RNF157: variants seen among roughly 807,000 people sequenced by gnomAD.
The protein encoded by RNF157 is ring finger protein 157.
A neutral mutation model predicts 88.3 loss-of-function variants in RNF157; 55 were observed. That is an observed-to-expected ratio of 0.62 (90% CI 0.50 to 0.78). The LOEUF (loss-of-function observed/expected upper bound fraction) is 0.78, where lower values mean the gene tolerates loss of function less well. RNF157 is among the 30% of genes least tolerant of loss of function. The probability of loss-of-function intolerance (pLI) is 0.00; values close to 1 mark genes in which losing one functional copy is unlikely to be tolerated. For synonymous variants in RNF157, 334 were observed against 341.2 expected (o/e 0.98, Z 0.23); for missense variants, 788 against 860.8 (o/e 0.92, Z 1.06).
intron 18 of RNF157, among the ~76,000 whole-genome samples, chr17:76,147,946 C>T (rs2068610225): frequency 6.6e-6 from 1 of 152,182 alleles, no homozygotes; most frequent in Non-Finnish European, 1.5e-5. Context: ...GGAGTACATT[C>T]AGGAAAATTT....
chr17:76,155,610 A>G lies in RNF157; in HGVS notation c.1650T>C (p.Ala550=). The part of the protein sequence containing the change: ...IAPGTEEEGE[A]LSSPQPASRA... ...TGCTGGCAGGCTGGGGGGAAGAGAG[A>G]GCCTCTCCCTCCTCTTCAGTGCCAG... The change falls in exon 15 of 19, where the codon GCT becomes GCC. Residue 550 remains alanine, a synonymous_variant. Transcript: ENST00000269391. The G allele has an allele frequency of 6.2e-7, 1 of 1,613,382 alleles. No homozygotes were observed. The highest frequency in any genetic ancestry group is 8.5e-7 in the Non-Finnish European group (1 of 1,179,788).
At chr17:76,200,016 T>A (rs2144975913) in intron 2 of RNF157, among the ~76,000 whole-genome samples, 1 of 151,976 alleles carries the variant, frequency 6.6e-6, no homozygotes, top group East Asian at 1.9e-4. Context: ...GGCGGGCGGA[T>A]CACGAGGTCA....
chr17:76,210,601 A>AAAAG (rs1555660855), intron 2 of RNF157, among the ~76,000 whole-genome samples: 27 of 148,516 alleles, frequency 1.8e-4, no homozygotes, highest in East Asian at 6.0e-4. Flanking sequence ...AAAAAAAAAA[A>AAAAG]AAAGAAAGAA....
Position 76,161,123 on chromosome 17 carries a change from CT to C in RNF157, c.1065+411del, listed in dbSNP as rs1302665455. On this transcript the variant is annotated intron_variant, in intron 11 of 18. Transcript: ENST00000269391. This position sits in a 1 kb window ranked among gnomAD's most constrained non-coding sequence, Gnocchi z 4.6. ...TACACTAGGAAACTGAAGTCAGTTACTTTATCTCAGGCACTGAGGCCACAAA... is the reference window on the plus strand; with the variant it reads ...TACACTAGGAAACTGAAGTCAGTTACTTATCTCAGGCACTGAGGCCACAAA... Among the ~76,000 whole-genome samples, 1 of 152,204 alleles carries C rather than the reference CT, an allele frequency of 6.6e-6. No homozygotes were observed. The highest frequency in any genetic ancestry group is 1.9e-4 in the East Asian group (1 of 5,202).
chr17:76,181,958 A>T (rs1399317661), intron 2 of RNF157, among the ~76,000 whole-genome samples: 3 of 152,062 alleles, frequency 2.0e-5, no homozygotes, highest in Non-Finnish European at 4.4e-5. Flanking sequence ...CAAAAAACAA[A>T]GACATTTACC....
At chr17:76,230,115 G>C (rs1568079038) in intron 1 of RNF157, among the ~76,000 whole-genome samples, 2 of 152,080 alleles carry the variant, frequency 1.3e-5, no homozygotes, top group Non-Finnish European at 2.9e-5. Flanking sequence ...TCTGCAGTGG[G>C]GCAAAGACAG....
chr17:76,240,034 G>C lies in RNF157; in HGVS notation c.88+119C>G, dbSNP rs8070711. 18,322 of 417,090 alleles carry C rather than the reference G, an allele frequency of 0.044. 1,156 individuals carry two copies. Among genetic ancestry groups the C allele is most frequent in the African/African-American group, 0.21 (9,692 of 47,002 alleles). 25.8% of individuals were successfully genotyped at this position (417,090 alleles called of 1,614,324 possible). On this transcript the variant is annotated intron_variant, in intron 1 of 18. Transcript: ENST00000269391. The surrounding 1 kb of genome is among the most constrained non-coding windows in gnomAD (Gnocchi z 4.4). ...ACCTCCCGCGCTCGAAGACCGTTTC[G>C]GAGCGTCCGCAACCACTGAGTCCCC...
At chr17:76,233,748 C>T (rs1240036037) in intron 1 of RNF157, among the ~76,000 whole-genome samples, 1 of 151,994 alleles carries the variant, frequency 6.6e-6, no homozygotes, top group African/African-American at 2.4e-5. Context: ...GCCCAGGCTG[C>T]TCTTGAACTC....
chr17:76,193,848 AGC>A (rs1480934121), intron 2 of RNF157, among the ~76,000 whole-genome samples: 1 of 152,188 alleles, frequency 6.6e-6, no homozygotes, highest in Non-Finnish European at 1.5e-5. Context: ...ATCTGAGATT[AGC>A]GCCTGGCCGA....
intron 2 of RNF157, among the ~76,000 whole-genome samples, chr17:76,183,370 A>G (rs1241486394): frequency 6.6e-6 from 1 of 152,234 alleles, no homozygotes; most frequent in Admixed American, 6.5e-5. Context: ...CAGGTAGGTT[A>G]GAGACCCCAC....
chr17:76,172,670 C>G (rs2069036331), intron 3 of RNF157, among the ~76,000 whole-genome samples: 1 of 132,016 alleles, frequency 7.6e-6, no homozygotes, highest in South Asian at 2.4e-4. Context: ...ATATATATAT[C>G]AGACAGAAAC....
chr17:76,146,242 T>C lies in RNF157; in HGVS notation c.1922-889A>G. The C allele has an allele frequency of 5.0e-6, 3 of 600,662 alleles. No individual in the cohort carries two copies. The highest frequency in any genetic ancestry group is 6.3e-6 in the Non-Finnish European group (3 of 478,644). 37.2% of individuals were successfully genotyped at this position (600,662 alleles called of 1,614,324 possible). On this transcript the variant is annotated intron_variant, in intron 18 of 18. Transcript: ENST00000269391. The surrounding 1 kb of genome is among the most constrained non-coding windows in gnomAD (Gnocchi z 4.2). Reference sequence around the variant, plus strand: ...GCAGTGTGACCTTGGGCACATCAGTTTACTGTGGGCCTTGGTTTTCTCACC... The same window carrying C: ...GCAGTGTGACCTTGGGCACATCAGTCTACTGTGGGCCTTGGTTTTCTCACC...
rs191492206 is a variant in RNF157 at position 76,158,497 on chromosome 17, T to A, written c.1309A>T (p.Thr437Ser). 2.5e-6 allele frequency: 4 copies of A among 1,611,636 alleles called. No individual in the cohort carries two copies. The highest frequency in any genetic ancestry group is 3.4e-6 in the Non-Finnish European group (4 of 1,177,800). The stretch of plus-strand genomic sequence containing the variant: ...TGCAGCACGGAAGAGTTTTGGGAAG[T>A]GGATCTGTAGGAGTCCAGTGGAAAA... Reference protein sequence around the residue: ...LKLKKSLSKSTSQNSSVLHEE... With the variant: ...LKLKKSLSKSSSQNSSVLHEE... The change falls in exon 13 of 19, where the codon ACT becomes TCT. Residue 437 changes from threonine to serine, a missense_variant. Physicochemically the swap from Thr to Ser is moderately conservative, Grantham distance 58. Coordinates refer to ENST00000269391, the MANE Select transcript of RNF157 (RefSeq NM_052916.3).
At chr17:76,180,800 C>T (rs1392048417) in intron 2 of RNF157, among the ~76,000 whole-genome samples, 3 of 152,126 alleles carry the variant, frequency 2.0e-5, no homozygotes, top group Admixed American at 6.5e-5. Flanking sequence ...TACAGTTCAG[C>T]GGCATTAAGT....
At chr17:76,213,345 G>A (rs761797039) in intron 1 of RNF157, among the ~76,000 whole-genome samples, 10 of 152,052 alleles carry the variant, frequency 6.6e-5, no homozygotes, top group East Asian at 1.9e-4. Context: ...TGAGGAGGGC[G>A]GATCACTTGA....
At chr17:76,177,596 G>GTC (rs2069125525) in intron 2 of RNF157, among the ~76,000 whole-genome samples, 1 of 151,968 alleles carries the variant, frequency 6.6e-6, no homozygotes, top group Non-Finnish European at 1.5e-5. Flanking sequence ...AAGGCTGGGG[G>GTC]CCTGGCTGCC....
chr17:76,158,600 C>A, intron 12 of RNF157, 99 bp from the exon 13 acceptor site: 1 of 830,498 alleles, frequency 1.2e-6, no homozygotes, highest in Non-Finnish European at 2.0e-6. Context: ...ATATTTTTTG[C>A]TTGTTTATTT....
At chr17:76,177,253 T>C (rs1376110688) in intron 2 of RNF157, among the ~76,000 whole-genome samples, 1 of 151,990 alleles carries the variant, frequency 6.6e-6, no homozygotes, top group Non-Finnish European at 1.5e-5. Flanking sequence ...AGCCCCGCCT[T>C]GGGCTGTGGA....
chr17:76,219,993 T>A (rs1665313525), intron 1 of RNF157, among the ~76,000 whole-genome samples: 1 of 152,136 alleles, frequency 6.6e-6, no homozygotes, highest in Admixed American at 6.5e-5. Context: ...ATTAGAAATA[T>A]CAATAAAAAT....
Sources: gnomAD v4.1 joint callset for allele counts (sites outside exome capture counted in the v4.1 genomes callset) on GRCh38, gnomAD v4.1.1 for gene constraint, Gnocchi (gnomAD v3.1) non-coding constraint, MANE v1.5 for transcripts, NCBI Gene and HGNC (gene_info 2026-07-23, HGNC 2026-07-21) for gene names.